ZNF43: variants seen among roughly 807,000 people sequenced by gnomAD.
The protein encoded by ZNF43 is zinc finger protein 43, also known as zinc finger protein 39-like 1 (KOX 27).
A neutral mutation model predicts 68.4 loss-of-function variants in ZNF43; 44 were observed. The observed-to-expected ratio is 0.64, with a 90% CI of 0.51 to 0.83. ZNF43 has a LOEUF of 0.83. ZNF43 is among the 40% of genes least tolerant of loss of function. ZNF43 has a pLI of 0.00. For synonymous variants in ZNF43, 308 were observed against 307.8 expected (o/e 1.00, Z -0.01); for missense variants, 896 against 933.2 (o/e 0.96, Z 0.52).
Position 21,808,813 on chromosome 19 carries a change from C to T in ZNF43, c.1224G>A (p.Lys408=), listed in dbSNP as rs755397348. ...YKCEECGKAF[K]WSSKLTEHKL... The stretch of plus-strand genomic sequence containing the variant: ...TATGTTCAGTAAGCTTTGAGGACCA[C>T]TTAAAAGCTTTGCCACATTCTTCAC... Residue 408 remains lysine, a synonymous_variant, in exon 4 of 4, where the codon AAG becomes AAA. Coordinates refer to ENST00000354959, the MANE Select transcript of ZNF43 (RefSeq NM_003423.4). 6.2e-6 allele frequency: 10 copies of T among 1,605,814 alleles called. No homozygotes were observed. The South Asian group carries it at 8.8e-5, about 14-fold the overall frequency.
At position 21,844,964 on chromosome 19, in the gene ZNF43, T is replaced by TA. The variant is rs1292353007; in HGVS notation, c.30+6940dup. Among the ~76,000 whole-genome samples, 3 of 132,942 alleles carry TA rather than the reference T, an allele frequency of 2.3e-5. No individual in the cohort carries two copies. In the East Asian group the frequency reaches 6.9e-4, roughly 30 times the overall value. 87.2% of individuals were successfully genotyped at this position (132,942 alleles called of 152,430 possible). On this transcript the variant is annotated intron_variant, in intron 1 of 3. Transcript: ENST00000357491. The stretch of plus-strand genomic sequence containing the variant: ...TATATATATGTTACAATGTTACAAT[T>TA]ACACCTATGGGTAAAGAGTGAGCAG...
In ZNF43 at chr19:21,808,045, G is replaced by T; in HGVS notation, c.1992C>A (p.Thr664=). The T allele has an allele frequency of 6.2e-7, 1 of 1,612,140 alleles. No homozygotes were observed. Among genetic ancestry groups the T allele is most frequent in the Non-Finnish European group, 8.5e-7 (1 of 1,179,684 alleles). The change falls in exon 4 of 4, where the codon ACC becomes ACA. Residue 664 remains threonine (T), a synonymous_variant. Transcript: ENST00000354959. ...TATGAATTATCTTATGTTTAGTAAGGGTTGAGGACCACTTAAAGGCTTTGC... is the reference window on the plus strand; with the variant it reads ...TATGAATTATCTTATGTTTAGTAAGTGTTGAGGACCACTTAAAGGCTTTGC... ...ECGKAFKWSS[T]LTKHKIIHTG...
At chr19:21,818,409 C>T (rs1346289576) in intron 2 of ZNF43, among the ~76,000 whole-genome samples, 1 of 151,560 alleles carries the variant, frequency 6.6e-6, no homozygotes, top group Non-Finnish European at 1.5e-5. Flanking sequence ...CCCCAAAATA[C>T]TAATTTTTAA....
In ZNF43 at chr19:21,808,969, G is replaced by A. The variant is rs1188301881; in HGVS notation, c.1068C>T (p.Asn356=). ...TATGGATTCTCTTATGTGTAGTAAG[G>A]TTTGAGAACTGGTTAAAGGCTTTGC... The part of the protein sequence containing the change: ...ECGKAFNQFS[N]LTTHKRIHTA... Residue 356 remains asparagine (N), a synonymous_variant, in exon 4 of 4, where the codon AAC becomes AAT. Transcript: ENST00000354959. 1 of 1,613,272 alleles carries A rather than the reference G, an allele frequency of 6.2e-7. No individual in the cohort carries two copies. Among genetic ancestry groups the A allele is most frequent in the Non-Finnish European group, 8.5e-7 (1 of 1,179,824 alleles).
At chr19:21,813,840 G>A (rs918734660) in intron 3 of ZNF43, among the ~76,000 whole-genome samples, 5 of 151,536 alleles carry the variant, frequency 3.3e-5, no homozygotes, top group African/African-American at 7.3e-5. Flanking sequence ...ATGGCTCACT[G>A]TAGACTCTAA....
At chr19:21,846,167 T>C (rs1056906931) in intron 1 of ZNF43, among the ~76,000 whole-genome samples, 1 of 152,102 alleles carries the variant, frequency 6.6e-6, no homozygotes, top group African/African-American at 2.4e-5. Flanking sequence ...TCAGATAACG[T>C]AGGAGCTGGT....
Position 21,805,469 on chromosome 19 carries a change from A to C in ZNF43, c.*2138T>G, listed in dbSNP as rs1284964265. 1 of 151,964 alleles carries C rather than the reference A, an allele frequency of 6.6e-6. No homozygotes were observed. Among genetic ancestry groups the C allele is most frequent in the East Asian group, 1.9e-4 (1 of 5,176 alleles). The allele number at this position is 151,964 out of a possible 1,614,324, so 9.4% of individuals were successfully genotyped here. On this transcript the variant is annotated 3_prime_UTR_variant, in exon 4 of 4. Coordinates refer to ENST00000354959, the MANE Select transcript of ZNF43 (RefSeq NM_003423.4). Reference sequence around the variant, plus strand: ...ACAGAGCGAGACTCCATCTCCAAAAAAAAACCCAAACAAGTAGTGGGCGCC... The same window carrying C: ...ACAGAGCGAGACTCCATCTCCAAAACAAAACCCAAACAAGTAGTGGGCGCC...
intron 1 of ZNF43, among the ~76,000 whole-genome samples, chr19:21,844,909 A>ATAT (rs1967808167): frequency 9.3e-6 from 1 of 107,964 alleles, no homozygotes; most frequent in Non-Finnish European, 1.8e-5. Context: ...AAAAAAAAAA[A>ATAT]AAAAAAAAAA....
chr19:21,846,812 A>G (rs968518715), intron 1 of ZNF43, among the ~76,000 whole-genome samples: 3 of 152,104 alleles, frequency 2.0e-5, no homozygotes, highest in African/African-American at 7.2e-5. Context: ...TCAAAATGCC[A>G]CCCCTAGGCA....
chr19:21,814,963 G>A (rs971019198), intron 3 of ZNF43, among the ~76,000 whole-genome samples: 5 of 151,744 alleles, frequency 3.3e-5, no homozygotes, highest in African/African-American at 9.7e-5. Context: ...CGAGGCAGGC[G>A]GATCACCTGA....
chr19:21,823,233 G>T (rs577051730), intron 1 of ZNF43, among the ~76,000 whole-genome samples: 1 of 152,140 alleles, frequency 6.6e-6, no homozygotes, highest in Non-Finnish European at 1.5e-5. Context: ...ATTCCTGGAT[G>T]ATAGGGATGA....
In ZNF43 at chr19:21,807,828, C is replaced by T. The variant is rs769454332; in HGVS notation, c.2209G>A (p.Glu737Lys). 1 of 1,613,206 alleles carries T rather than the reference C, an allele frequency of 6.2e-7. No homozygotes were observed. Among genetic ancestry groups the T allele is most frequent in the Non-Finnish European group, 8.5e-7 (1 of 1,179,626 alleles). ...TAGTTAAATGCTTTGCCACATTCTTCACATTTGTAGGGTTGCTCTCCAGTA... is the reference window on the plus strand; with the variant it reads ...TAGTTAAATGCTTTGCCACATTCTTTACATTTGTAGGGTTGCTCTCCAGTA... ...IHTGEQPYKCEECGKAFNYSS... is the reference protein window; with the variant it reads ...IHTGEQPYKCKECGKAFNYSS... Residue 737 changes from glutamate (E) to lysine (K), a missense_variant, in exon 4 of 4, where the codon GAA becomes AAA. By Grantham distance (56) the Glu-to-Lys change is moderately conservative (BLOSUM62 1). Transcript: ENST00000354959.
chr19:21,805,365 G>C lies in ZNF43; in HGVS notation c.*2242C>G, dbSNP rs2036888847. 1 of 152,344 alleles carries C rather than the reference G, an allele frequency of 6.6e-6. No individual in the cohort carries two copies. Among genetic ancestry groups the C allele is most frequent in the Non-Finnish European group, 1.5e-5 (1 of 68,216 alleles). The allele number at this position is 152,344 out of a possible 1,614,324, so 9.4% of individuals were successfully genotyped here. On this transcript the variant is annotated 3_prime_UTR_variant, in exon 4 of 4. Coordinates refer to ENST00000354959, the MANE Select transcript of ZNF43 (RefSeq NM_003423.4). ...TGTAATCCCAGCTATTCGGGAGGCT[G>C]AGGCAGGAGAATCACTTGAACCGGG...
At chr19:21,835,355 GTT>G (rs554756455) in intron 1 of ZNF43, among the ~76,000 whole-genome samples, 55 of 119,600 alleles carry the variant, frequency 4.6e-4, no homozygotes, top group African/African-American at 1.2e-3. Context: ...ATCTAGTTTA[GTT>G]TTTTTTTTTT....
intron 1 of ZNF43, among the ~76,000 whole-genome samples, chr19:21,850,777 C>T (rs1599558193): frequency 6.6e-6 from 1 of 152,148 alleles, no homozygotes. Context: ...GTGAAAGGCC[C>T]AGCTATGTGT....
chr19:21,822,247 T>C (rs2037883651), intron 1 of ZNF43, among the ~76,000 whole-genome samples: 1 of 152,214 alleles, frequency 6.6e-6, no homozygotes, highest in African/African-American at 2.4e-5. Context: ...GTCCTGTCCC[T>C]ACCAAACCCA....
intron 1 of ZNF43, among the ~76,000 whole-genome samples, chr19:21,825,010 T>TG (rs961189996): frequency 2.6e-5 from 4 of 152,150 alleles, no homozygotes; most frequent in Non-Finnish European, 5.9e-5. Flanking sequence ...CCAAGGCAGC[T>TG]GGATCACCTG....
chr19:21,817,799 T>C, intron 3 of ZNF43, 89 bp downstream of exon 3: 1 of 1,355,132 alleles, frequency 7.4e-7, no homozygotes, highest in Non-Finnish European at 1.0e-6. Flanking sequence ...GGAACACAGC[T>C]TCCCAAGTCA....
chr19:21,805,731 CAAAA>C lies in ZNF43; in HGVS notation c.*1872_*1875del, dbSNP rs755593182. On this transcript the variant is annotated 3_prime_UTR_variant, in exon 4 of 4. Transcript: ENST00000354959. ...TTAAGAACAGTAAGTTTAAATAAGA[CAAAA>C]AAGAATATTTAACCTATAGAAAAAT... 23 of 151,884 alleles carry C rather than the reference CAAAA, an allele frequency of 1.5e-4. No individual in the cohort carries two copies. The highest frequency in any genetic ancestry group is 2.8e-4 in the Non-Finnish European group (19 of 67,890). The allele number at this position is 151,884 out of a possible 1,614,324, so 9.4% of individuals were successfully genotyped here. A position where few individuals can be genotyped will look rare whatever the true frequency, so the allele number is the denominator to read the frequency against.
Sources: allele counts gnomAD v4.1 joint callset (sites outside exome capture counted in the v4.1 genomes callset), GRCh38; gene constraint gnomAD v4.1.1; transcripts MANE v1.5; gene names NCBI Gene and HGNC (gene_info 2026-07-23, HGNC 2026-07-21).